WDR7: variants seen among roughly 807,000 people sequenced by gnomAD.
WDR7 encodes WD repeat domain 7, also known as WD repeat-containing protein 7.
A neutral mutation model predicts 169.4 loss-of-function variants in WDR7; 46 were observed. The ratio of observed to expected loss-of-function variants is 0.27; its 90% CI spans 0.21 to 0.35. WDR7 has a LOEUF of 0.35. WDR7 is among the 10% of genes least tolerant of loss of function. The probability of loss-of-function intolerance (pLI) is 1.00; values close to 1 mark genes in which losing one functional copy is unlikely to be tolerated. For synonymous variants in WDR7, 612 were observed against 666.8 expected (o/e 0.92, Z 1.27); for missense variants, 1,534 against 1,859.3 (o/e 0.83, Z 3.22).
At chr18:57,020,929 C>G (rs546268986) in intron 27 of WDR7, 80 bp downstream of exon 27, 1 of 1,284,920 alleles carries the variant, frequency 7.8e-7, no homozygotes, top group African/African-American at 1.5e-5. Context: ...TTGAGCCTAC[C>G]TGCCGGCCCT....
chr18:57,001,783 C>G (rs530472241), intron 26 of WDR7, among the ~76,000 whole-genome samples: 7 of 152,128 alleles, frequency 4.6e-5, no homozygotes, highest in Admixed American at 2.0e-4. Flanking sequence ...TGGAATCATA[C>G]AGCATGTAAC....
chr18:56,794,304 A>ATTTTGTTTTTTTTTT (rs2044543788), intron 19 of WDR7, among the ~76,000 whole-genome samples: 1 of 49,466 alleles, frequency 2.0e-5, no homozygotes, highest in Non-Finnish European at 3.8e-5. Context: ...GGTAAAGTCT[A>ATTTTGTTTTTTTTTT]TTTTTTTTTT....
intron 26 of WDR7, among the ~76,000 whole-genome samples, chr18:57,019,289 G>A (rs868396813): frequency 3.3e-5 from 5 of 152,134 alleles, no homozygotes; most frequent in Non-Finnish European, 5.9e-5. Flanking sequence ...AGAACGCTAC[G>A]TATTACCTCA....
At chr18:57,017,330 T>A (rs2048219936) in intron 26 of WDR7, among the ~76,000 whole-genome samples, 1 of 152,222 alleles carries the variant, frequency 6.6e-6, no homozygotes. Context: ...CAGGTCTGTC[T>A]GTCAGCTGCA....
At chr18:56,714,586 G>A (rs939922131) in intron 12 of WDR7, among the ~76,000 whole-genome samples, 3 of 151,120 alleles carry the variant, frequency 2.0e-5, no homozygotes, top group African/African-American at 4.9e-5. Flanking sequence ...CTACTGTTTT[G>A]TATTTTTAGT....
intron 14 of WDR7, among the ~76,000 whole-genome samples, chr18:56,754,573 T>C (rs1274450867): frequency 6.6e-6 from 1 of 151,940 alleles, no homozygotes; most frequent in Non-Finnish European, 1.5e-5. Context: ...TGTGGATGAG[T>C]GTATAGTTTC....
intron 26 of WDR7, among the ~76,000 whole-genome samples, chr18:57,014,344 AAAG>A (rs1409649403): frequency 2.0e-5 from 3 of 149,892 alleles, no homozygotes; most frequent in Non-Finnish European, 3.0e-5. Flanking sequence ...AAAAAAAAAA[AAAG>A]AAGAAAAGGA....
chr18:56,672,444 C>A, intron 1 of WDR7, 53 bp from the exon 2 acceptor site: 3 of 1,206,088 alleles, frequency 2.5e-6, no homozygotes, highest in Admixed American at 3.2e-5. Flanking sequence ...AAATATATAA[C>A]ATGTTTTCGA....
At chr18:56,694,809 A>G (rs1182863991) in intron 10 of WDR7, 49 bp downstream of exon 10, 2 of 1,559,762 alleles carry the variant, frequency 1.3e-6, no homozygotes, top group Non-Finnish European at 1.7e-6. Flanking sequence ...TAATATCTTA[A>G]ATACCAACTA....
intron 12 of WDR7, among the ~76,000 whole-genome samples, chr18:56,698,200 A>T (rs887123309): frequency 2.0e-5 from 3 of 152,156 alleles, no homozygotes; most frequent in African/African-American, 7.2e-5. Flanking sequence ...TGTTTAAAAA[A>T]AAAAAAGTTT....
intron 20 of WDR7, among the ~76,000 whole-genome samples, chr18:56,840,362 G>A (rs1279331642): frequency 6.6e-6 from 1 of 151,900 alleles, no homozygotes; most frequent in Admixed American, 6.6e-5. Flanking sequence ...ATAAAATATC[G>A]TAAAAATCAG....
intron 21 of WDR7, among the ~76,000 whole-genome samples, chr18:56,897,253 C>G (rs1369750448): frequency 6.6e-6 from 1 of 151,852 alleles, no homozygotes; most frequent in Non-Finnish European, 1.5e-5. Context: ...AGTATATTAT[C>G]TTGTGAGTCC....
At chr18:57,007,658 A>G (rs2048082459) in intron 26 of WDR7, among the ~76,000 whole-genome samples, 1 of 152,194 alleles carries the variant, frequency 6.6e-6, no homozygotes, top group Admixed American at 6.5e-5. Flanking sequence ...CCTCTTTTAA[A>G]GGTGATTTGT....
At chr18:56,906,356 A>G (rs180672688) in intron 21 of WDR7, among the ~76,000 whole-genome samples, 1 of 152,274 alleles carries the variant, frequency 6.6e-6, no homozygotes, top group East Asian at 1.9e-4. Flanking sequence ...TGATTGGAAG[A>G]GACAGATGTA....
At chr18:56,896,170 TGAAA>T (rs1379094014) in intron 21 of WDR7, among the ~76,000 whole-genome samples, 3 of 151,802 alleles carry the variant, frequency 2.0e-5, no homozygotes, top group South Asian at 2.1e-4. Context: ...AAAATCTTAC[TGAAA>T]GAGATTTTGA....
intron 21 of WDR7, among the ~76,000 whole-genome samples, chr18:56,892,074 A>G (rs1428843385): frequency 6.6e-6 from 1 of 152,110 alleles, no homozygotes; most frequent in African/African-American, 2.4e-5. Context: ...ATCTCATCCT[A>G]CTTCTCCAAA....
intron 1 of WDR7, among the ~76,000 whole-genome samples, chr18:56,669,149 T>C (rs1184100663): frequency 6.6e-6 from 1 of 152,156 alleles, no homozygotes; most frequent in African/African-American, 2.4e-5. Flanking sequence ...ATTATTTTTG[T>C]TGCTCTTGTT....
At chr18:56,857,575 G>A (rs1023294262) in intron 20 of WDR7, among the ~76,000 whole-genome samples, 3 of 151,994 alleles carry the variant, frequency 2.0e-5, no homozygotes, top group Admixed American at 6.6e-5. Context: ...AAAGCTTTAC[G>A]TACACGCCTA....
chr18:56,973,041 T>C (rs2047513648), intron 26 of WDR7, among the ~76,000 whole-genome samples: 1 of 152,196 alleles, frequency 6.6e-6, no homozygotes, highest in Non-Finnish European at 1.5e-5. Flanking sequence ...TTTTTCTTTG[T>C]ATTTTTAGTG....
Sources: gnomAD v4.1 joint callset for allele counts (sites outside exome capture counted in the v4.1 genomes callset) on GRCh38, gnomAD v4.1.1 for gene constraint, MANE v1.5 for transcripts, NCBI Gene and HGNC (gene_info 2026-07-23, HGNC 2026-07-21) for gene names.